CSMD1: variants seen among roughly 807,000 people sequenced by gnomAD.
CSMD1 encodes the protein CUB and Sushi multiple domains 1, also known as CUB and sushi domain-containing protein 1.
A neutral mutation model predicts 417.5 loss-of-function variants in CSMD1; 213 were observed. The ratio of observed to expected loss-of-function variants is 0.51; its 90% CI spans 0.46 to 0.57. CSMD1 has a LOEUF of 0.57. Among genes scored for constraint, CSMD1 ranks in the 20% least tolerant of loss-of-function variants. The probability of loss-of-function intolerance (pLI) is 0.00; values close to 1 mark genes in which losing one functional copy is unlikely to be tolerated. For missense variants in CSMD1, 6,923 were observed against 4,529.7 expected (o/e 1.53, Z -15.17); for synonymous variants, 2,862 against 1,736.8 (o/e 1.65, Z -16.11).
chr8:4,625,046 G>C (rs942241739), intron 2 of CSMD1, among the ~76,000 whole-genome samples: 1 of 152,134 alleles, frequency 6.6e-6, no homozygotes, highest in African/African-American at 2.4e-5. Flanking sequence ...AAACCGGGAA[G>C]AATGACAGTC....
intron 23 of CSMD1, among the ~76,000 whole-genome samples, chr8:3,323,449 CCTCT>C (rs143993100): frequency 1.3e-5 from 2 of 151,052 alleles, no homozygotes; most frequent in African/African-American, 2.4e-5. Context: ...ATTCTGAACC[CCTCT>C]CTCTCTCTCT....
chr8:3,480,225 G>T (rs1373356029), intron 11 of CSMD1, among the ~76,000 whole-genome samples: 1 of 152,114 alleles, frequency 6.6e-6, no homozygotes, highest in Admixed American at 6.5e-5. Flanking sequence ...AGCTGGGTGT[G>T]GTGGCACACA....
intron 40 of CSMD1, among the ~76,000 whole-genome samples, chr8:3,146,093 C>A (rs978479322): frequency 1.3e-5 from 2 of 152,076 alleles, no homozygotes; most frequent in East Asian, 1.9e-4. Context: ...TTCTAAAGAA[C>A]CTTTTATATT....
intron 2 of CSMD1, among the ~76,000 whole-genome samples, chr8:4,573,737 C>T (rs749137980): frequency 7.2e-5 from 11 of 152,188 alleles, no homozygotes; most frequent in Non-Finnish European, 1.5e-4. Context: ...CTCCTTCCCC[C>T]AGGTGCTCTG....
At chr8:3,573,995 A>T (rs1298765387) in intron 10 of CSMD1, among the ~76,000 whole-genome samples, 3 of 152,188 alleles carry the variant, frequency 2.0e-5, no homozygotes, top group African/African-American at 2.4e-5. Context: ...ATAGCCAATG[A>T]AACATGATTA....
chr8:3,142,077 G>T (rs376046785), intron 41 of CSMD1, among the ~76,000 whole-genome samples: 1 of 152,144 alleles, frequency 6.6e-6, no homozygotes, highest in Non-Finnish European at 1.5e-5. Context: ...GATTACAGGC[G>T]TGAGCCACCG....
intron 3 of CSMD1, among the ~76,000 whole-genome samples, chr8:4,364,941 C>T (rs369480796): frequency 6.7e-6 from 1 of 149,790 alleles, no homozygotes; most frequent in Non-Finnish European, 1.5e-5. Flanking sequence ...TCAAAGCACC[C>T]GACAAAAACG....
intron 5 of CSMD1, among the ~76,000 whole-genome samples, chr8:3,965,167 G>T (rs760592188): frequency 2.0e-5 from 3 of 152,080 alleles, no homozygotes; most frequent in African/African-American, 7.2e-5. Context: ...CTTTTTAACA[G>T]TAAGAGTTCA....
At chr8:3,478,423 C>A (rs1468001359) in intron 11 of CSMD1, among the ~76,000 whole-genome samples, 2 of 152,218 alleles carry the variant, frequency 1.3e-5, no homozygotes, top group East Asian at 1.9e-4. Context: ...TCATGACATG[C>A]AGATCCTTTT....
At chr8:4,840,704 C>A (rs1412482903) in intron 1 of CSMD1, among the ~76,000 whole-genome samples, 4 of 152,174 alleles carry the variant, frequency 2.6e-5, no homozygotes, top group Admixed American at 2.6e-4. Context: ...CAAGAGACAA[C>A]TTTTTTATCT....
At chr8:4,534,361 T>C (rs1796991625) in intron 2 of CSMD1, among the ~76,000 whole-genome samples, 1 of 152,268 alleles carries the variant, frequency 6.6e-6, no homozygotes, top group African/African-American at 2.4e-5. Context: ...GCTATAAACC[T>C]CTGCCTTTGC....
At chr8:4,827,490 A>G (rs1799902441) in intron 1 of CSMD1, among the ~76,000 whole-genome samples, 1 of 152,174 alleles carries the variant, frequency 6.6e-6, no homozygotes, top group Non-Finnish European at 1.5e-5. Flanking sequence ...CTTAAGATGA[A>G]CTGAATATTT....
chr8:4,714,983 T>G (rs181275521), intron 1 of CSMD1, among the ~76,000 whole-genome samples: 12 of 152,334 alleles, frequency 7.9e-5, no homozygotes, highest in Admixed American at 7.8e-4. Context: ...GTATTTCCCT[T>G]TATGCTCACA....
intron 1 of CSMD1, among the ~76,000 whole-genome samples, chr8:4,826,956 G>T (rs1171234271): frequency 6.6e-6 from 1 of 152,114 alleles, no homozygotes; most frequent in African/African-American, 2.4e-5. Flanking sequence ...GTGTAAGTTT[G>T]TGCTCACTAC....
intron 3 of CSMD1, among the ~76,000 whole-genome samples, chr8:4,303,863 C>A (rs1910717): frequency 1.3e-5 from 2 of 151,966 alleles, no homozygotes; most frequent in African/African-American, 4.8e-5. Flanking sequence ...CACTATGTTG[C>A]CCAGGCTGGT....
chr8:4,897,692 A>G (rs920361593), intron 1 of CSMD1, among the ~76,000 whole-genome samples: 6 of 152,120 alleles, frequency 3.9e-5, no homozygotes, highest in African/African-American at 1.2e-4. Context: ...TTTTTTTTAC[A>G]TATTACTTAA....
intron 1 of CSMD1, among the ~76,000 whole-genome samples, chr8:4,861,623 T>C (rs1437995463): frequency 6.6e-6 from 1 of 152,108 alleles, no homozygotes; most frequent in Non-Finnish European, 1.5e-5. Context: ...ATAATTAAAA[T>C]TTGTCTAAAA....
At chr8:4,946,718 G>A (rs556663742) in intron 1 of CSMD1, among the ~76,000 whole-genome samples, 17 of 152,322 alleles carry the variant, frequency 1.1e-4, no homozygotes, top group African/African-American at 3.8e-4. Context: ...GGTTGAATAT[G>A]TGTAGTTGGT....
At chr8:2,988,404 A>G (rs959281048) in intron 54 of CSMD1, among the ~76,000 whole-genome samples, 2 of 152,228 alleles carry the variant, frequency 1.3e-5, no homozygotes, top group Non-Finnish European at 2.9e-5. Flanking sequence ...AAATTATTAG[A>G]CAAAGCAGGG....
Sources: gnomAD v4.1 joint callset for allele counts (sites outside exome capture counted in the v4.1 genomes callset) on GRCh38, gnomAD v4.1.1 for gene constraint, MANE v1.5 for transcripts, NCBI Gene and HGNC (gene_info 2026-07-23, HGNC 2026-07-21) for gene names.